Variants in ARL17A observed in about 807,000 individuals in gnomAD.
ARL17A encodes ADP-ribosylation factor-like 17-like.
downstream of ARL17A, chr17:46,513,161 TGAA>T (rs1209030643): frequency 1.3e-6 from 1 of 799,614 alleles, no homozygotes; most frequent in African/African-American, 1.5e-5. Flanking sequence ...CCCAAGAAGC[TGAA>T]GAAAGATCCA....
At chr17:46,552,591 A>AT (rs2056894473), downstream of ARL17A, 1 of 55,232 alleles carries the variant, frequency 1.8e-5, no homozygotes, top group African/African-American at 8.4e-5. Flanking sequence ...AAAACAGTCA[A>AT]TAAAATGTAT....
intron 3 of ARL17A, among the ~76,000 whole-genome samples, chr17:46,568,902 CAGATGTAGAAA>C: frequency 7.6e-6 from 1 of 130,926 alleles, no homozygotes; most frequent in East Asian, 2.1e-4. Context: ...GCAAACAAAG[CAGATGTAGAAA>C]AGATGTAGAA....
At chr17:46,502,906 T>C in the ARL17A span, among the ~76,000 whole-genome samples, 1 of 150,606 alleles carries the variant, frequency 6.6e-6, no homozygotes, top group Non-Finnish European at 1.5e-5. Context: ...GTGGTAGCAC[T>C]CAACGTTTAA....
chr17:46,574,866 C>T (rs868492623), intron 2 of ARL17A, among the ~76,000 whole-genome samples: 25 of 39,756 alleles, frequency 6.3e-4, no homozygotes, highest in Middle Eastern at 0.019. Flanking sequence ...AGCACTTAGC[C>T]GGGCAGATCA....
At chr17:46,558,399 T>C (rs2057402860) in intron 3 of ARL17A, among the ~76,000 whole-genome samples, 1 of 107,780 alleles carries the variant, frequency 9.3e-6, no homozygotes, top group South Asian at 2.8e-4. Flanking sequence ...TTTGTTTGTT[T>C]GTTTGTTTTT....
intron 3 of ARL17A, among the ~76,000 whole-genome samples, chr17:46,542,588 G>C (rs1398928031): frequency 1.3e-5 from 2 of 149,750 alleles, no homozygotes; most frequent in East Asian, 2.0e-4. Context: ...CCAGCTACTA[G>C]GGAACCTGAG....
chr17:46,534,807 C>T lies in ARL17A; in HGVS notation c.335+3544G>A, dbSNP rs569741767. 5.9e-4 allele frequency among the ~76,000 whole-genome samples: 86 copies of T among 146,892 alleles called. 3 individuals are homozygous for T. Among genetic ancestry groups the T allele is most frequent in the African/African-American group, 1.3e-3 (49 of 37,160 alleles). On this transcript the variant is annotated intron_variant, in intron 4 of 4. Coordinates refer to the ARL17A transcript ENST00000329240. ...GCGCCCCCCCACCTCCCGGAGGGGGCGGCTGGCCAGGCGGGGGCTGGCCCC... is the reference window on the plus strand; with the variant it reads ...GCGCCCCCCCACCTCCCGGAGGGGGTGGCTGGCCAGGCGGGGGCTGGCCCC...
chr17:46,543,367 C>T (rs549531203), intron 3 of ARL17A, among the ~76,000 whole-genome samples: 1 of 150,772 alleles, frequency 6.6e-6, no homozygotes, highest in East Asian at 1.9e-4. Context: ...TACTTTAAAA[C>T]AATCCTGGGA....
intron 4 of ARL17A, among the ~76,000 whole-genome samples, chr17:46,534,657 C>T (rs1472099357): frequency 6.7e-6 from 1 of 149,022 alleles, no homozygotes; most frequent in Non-Finnish European, 1.5e-5. Context: ...TCCCCCTTTT[C>T]TATTCAACAA....
chr17:46,548,634 G>T (rs200087533), downstream of ARL17A: 149 of 1,603,590 alleles, frequency 9.3e-5, no homozygotes, highest in South Asian at 5.8e-4. Context: ...AGAGAGTGAA[G>T]AGAGTCCTCA....
At chr17:46,526,420 C>G (rs62073313), downstream of ARL17A, among the ~76,000 whole-genome samples, 31,929 of 101,582 alleles carry the variant, frequency 0.31, 12,538 homozygotes, top group Middle Eastern at 0.51. Context: ...TGTGGTTGAT[C>G]GATGATGAAT....
intron 3 of ARL17A, among the ~76,000 whole-genome samples, chr17:46,542,813 A>G (rs2055625538): frequency 6.6e-6 from 1 of 150,652 alleles, no homozygotes; most frequent in Non-Finnish European, 1.5e-5. Context: ...AGCCCCCACA[A>G]TATGGCAAGC....
At chr17:46,542,745 C>T (rs1300564561) in intron 3 of ARL17A, among the ~76,000 whole-genome samples, 1 of 150,220 alleles carries the variant, frequency 6.7e-6, no homozygotes, top group Non-Finnish European at 1.5e-5. Context: ...ATATGTATGC[C>T]TGCGGGGCCC....
At chr17:46,537,070 G>A (rs1201869689) in intron 4 of ARL17A, among the ~76,000 whole-genome samples, 2 of 3,862 alleles carry the variant, frequency 5.2e-4, no homozygotes, top group Non-Finnish European at 3.0e-3. Context: ...AAAGTTTATT[G>A]TGGTCAATTT....
intron 2 of ARL17A, among the ~76,000 whole-genome samples, chr17:46,575,281 A>G (rs1022016458): frequency 7.3e-5 from 10 of 137,412 alleles, no homozygotes; most frequent in African/African-American, 2.6e-4. Context: ...TCTCTTAACA[A>G]GCCGGTAAAA....
downstream of ARL17A, among the ~76,000 whole-genome samples, chr17:46,527,690 G>T (rs1429858407): frequency 1.6e-4 from 7 of 45,032 alleles, no homozygotes; most frequent in Admixed American, 6.9e-4. Flanking sequence ...AATTTACCAG[G>T]TGCTGTTTAT....
chr17:46,558,792 C>A (rs999877125), intron 3 of ARL17A: 1 of 133,666 alleles, frequency 7.5e-6, no homozygotes, highest in South Asian at 2.3e-4. Context: ...TTCTAACTCA[C>A]ACTCCCCTAT....
At chr17:46,528,096 G>A (rs1232439736), downstream of ARL17A, among the ~76,000 whole-genome samples, 128 of 111,982 alleles carry the variant, frequency 1.1e-3, no homozygotes, top group Non-Finnish European at 1.8e-3. Flanking sequence ...AGAATCCCAC[G>A]CTTCTGGAGC....
downstream of ARL17A, chr17:46,513,194 CT>C (rs749668307): frequency 1.3e-6 from 1 of 791,274 alleles, no homozygotes; most frequent in Non-Finnish European, 1.9e-6. Flanking sequence ...TGGAGCCTTG[CT>C]GAGATTATTG....
Sources: allele counts gnomAD v4.1 joint callset (sites outside exome capture counted in the v4.1 genomes callset), GRCh38; gene constraint gnomAD v4.1.1; transcripts MANE v1.5; gene names NCBI Gene and HGNC (gene_info 2026-07-23, HGNC 2026-07-21).